The following ARK2C variants were observed in gnomAD, a reference collection of about 807,000 sequenced individuals.
ARK2C encodes E3 ubiquitin-protein ligase ARK2C.
At chr18:46,433,691 T>C in the ARK2C span, among the ~76,000 whole-genome samples, 5 of 152,172 alleles carry the variant, frequency 3.3e-5, no homozygotes, top group Non-Finnish European at 5.9e-5. Context: ...TGGGTCTCTG[T>C]AGGAAGTAGC....
At chr18:46,371,726 C>T in the ARK2C span, among the ~76,000 whole-genome samples, 46 of 152,254 alleles carry the variant, frequency 3.0e-4, no homozygotes, top group African/African-American at 1.0e-3. Flanking sequence ...GCTTCAGGTG[C>T]GCTTTCTTCC....
chr18:46,350,862 C>A, the ARK2C span, among the ~76,000 whole-genome samples: 1 of 152,226 alleles, frequency 6.6e-6, no homozygotes, highest in Non-Finnish European at 1.5e-5. Flanking sequence ...TTGACGATAG[C>A]TGTTTATAAG....
chr18:46,431,134 G>C, the ARK2C span, among the ~76,000 whole-genome samples: 9 of 152,238 alleles, frequency 5.9e-5, no homozygotes, highest in East Asian at 1.7e-3. Context: ...ATGAGTGAGA[G>C]CATGCGGTGT....
chr18:46,372,502 C>T, the ARK2C span, among the ~76,000 whole-genome samples: 1 of 152,228 alleles, frequency 6.6e-6, no homozygotes. Flanking sequence ...TGTGGGGCCA[C>T]CTTAGTAAGC....
chr18:46,403,368 C>A, the ARK2C span, among the ~76,000 whole-genome samples: 5 of 152,008 alleles, frequency 3.3e-5, no homozygotes, highest in African/African-American at 1.2e-4. Context: ...GCTCTCCCTG[C>A]CCCCGGAGAG....
chr18:46,384,268 G>A, the ARK2C span, among the ~76,000 whole-genome samples: 2 of 152,172 alleles, frequency 1.3e-5, no homozygotes, highest in Non-Finnish European at 1.5e-5. Context: ...AGTCCCAGGG[G>A]GCTGGGATGC....
the ARK2C span, chr18:46,334,725 AGAGAGC>A: frequency 2.2e-5 from 7 of 317,068 alleles, no homozygotes; most frequent in African/African-American, 1.1e-4. This position sits in a 1 kb window ranked among gnomAD's most constrained non-coding sequence, Gnocchi z 4.4. Flanking sequence ...TGAGAGAGAG[AGAGAGC>A]GCGCGCGCGA....
the ARK2C span, among the ~76,000 whole-genome samples, chr18:46,403,724 A>G: frequency 6.6e-6 from 1 of 152,124 alleles, no homozygotes; most frequent in East Asian, 1.9e-4. Context: ...CTAAAAATAT[A>G]AGAATTAGCC....
At chr18:46,374,683 T>TC in the ARK2C span, among the ~76,000 whole-genome samples, 1 of 152,048 alleles carries the variant, frequency 6.6e-6, no homozygotes, top group African/African-American at 2.4e-5. Context: ...AATGGAATCC[T>TC]CCCCCATCTT....
the ARK2C span, among the ~76,000 whole-genome samples, chr18:46,416,677 G>A: frequency 1.3e-5 from 2 of 152,208 alleles, no homozygotes; most frequent in African/African-American, 2.4e-5. Context: ...AGTCCTTTTG[G>A]TCTTCTTGGG....
At chr18:46,382,616 A>C in the ARK2C span, among the ~76,000 whole-genome samples, 4 of 152,090 alleles carry the variant, frequency 2.6e-5, no homozygotes, top group Non-Finnish European at 5.9e-5. Context: ...TGCATGACTT[A>C]AGTTTCCCAT....
the ARK2C span, chr18:46,433,589 A>G: frequency 1.6e-6 from 2 of 1,222,278 alleles, no homozygotes; most frequent in African/African-American, 3.1e-5. Flanking sequence ...GGCCAGGACG[A>G]GGGCGTGGCC....
At chr18:46,447,296 G>A in the ARK2C span, among the ~76,000 whole-genome samples, 9 of 152,128 alleles carry the variant, frequency 5.9e-5, no homozygotes, top group Non-Finnish European at 1.2e-4. Context: ...ACTTTGTCTT[G>A]GGAGGGAGCT....
chr18:46,430,205 A>G, the ARK2C span, among the ~76,000 whole-genome samples: 1 of 152,160 alleles, frequency 6.6e-6, no homozygotes, highest in African/African-American at 2.4e-5. Flanking sequence ...CTATTCTCAT[A>G]CTTGATTAAT....
the ARK2C span, among the ~76,000 whole-genome samples, chr18:46,445,401 T>C: frequency 1.3e-5 from 2 of 152,202 alleles, no homozygotes; most frequent in Non-Finnish European, 2.9e-5. Flanking sequence ...TATGAATCTT[T>C]CCCAGCACTG....
At chr18:46,441,756 C>A in the ARK2C span, among the ~76,000 whole-genome samples, 10 of 148,240 alleles carry the variant, frequency 6.7e-5, no homozygotes, top group African/African-American at 2.5e-4. Context: ...GGTGCAGTGG[C>A]GGGCGCCTGT....
At chr18:46,360,964 G>A in the ARK2C span, among the ~76,000 whole-genome samples, 4 of 152,316 alleles carry the variant, frequency 2.6e-5, no homozygotes, top group South Asian at 8.3e-4. Flanking sequence ...CCAAGTGGAC[G>A]TCCACAGAAC....
chr18:46,397,081 C>A, the ARK2C span, among the ~76,000 whole-genome samples: 1 of 152,234 alleles, frequency 6.6e-6, no homozygotes, highest in Admixed American at 6.5e-5. Context: ...GTGAGGTTGG[C>A]TTCCCCTGGG....
At chr18:46,397,559 GGTGT>G in the ARK2C span, among the ~76,000 whole-genome samples, 2 of 84,060 alleles carry the variant, frequency 2.4e-5, no homozygotes, top group East Asian at 8.8e-4. Context: ...GGGGTGTGAG[GGTGT>G]GTGTGTGTGT....
Sources: gnomAD v4.1 joint callset for allele counts (sites outside exome capture counted in the v4.1 genomes callset) on GRCh38, gnomAD v4.1.1 for gene constraint, Gnocchi (gnomAD v3.1) non-coding constraint, MANE v1.5 for transcripts, NCBI Gene and HGNC (gene_info 2026-07-23, HGNC 2026-07-21) for gene names.